The following NIN variants were observed in gnomAD, a reference collection of about 807,000 sequenced individuals.
NIN encodes the protein ninein, also known as glycogen synthase kinase 3 beta-interacting protein.
A neutral mutation model predicts 257.6 loss-of-function variants in NIN; 137 were observed. The observed-to-expected ratio is 0.53, with a 90% CI of 0.46 to 0.61. The LOEUF (loss-of-function observed/expected upper bound fraction) is 0.61. NIN is among the 20% of genes least tolerant of loss of function. The pLI is 0.00. For synonymous variants in NIN, 918 were observed against 919.8 expected (o/e 1.00, Z 0.04); for missense variants, 2,439 against 2,501.2 (o/e 0.98, Z 0.53).
chr14:50,756,569 C>T lies in NIN; in HGVS notation c.4461G>A (p.Lys1487=), dbSNP rs763101673. The T allele has an allele frequency of 2.6e-5, 42 of 1,612,644 alleles. 2 individuals carry two copies. In the South Asian group the frequency reaches 4.5e-4, roughly 17 times the overall value. Residue 1487 remains lysine (K), a synonymous_variant, in exon 18 of 31, where the codon AAG becomes AAA. Transcript: ENST00000530997. ...KQKDVLSHGE[K]EEELKAMMHD... ...GCATCATTGCCTTCAGCTCTTCCTC[C>T]TTTTCTCCGTGAGAAAGTACATCTT...
chr14:50,772,044 T>A, intron 9 of NIN: 2 of 360,334 alleles, frequency 5.6e-6, no homozygotes, highest in East Asian at 4.5e-5. Flanking sequence ...ACAACAACAC[T>A]ATCTGGCCCT....
intron 5 of NIN, among the ~76,000 whole-genome samples, chr14:50,780,931 A>G (rs2043110808): frequency 6.6e-6 from 1 of 152,212 alleles, no homozygotes; most frequent in Non-Finnish European, 1.5e-5. Context: ...TGTCTGAGGC[A>G]TGGTGGGGAT....
rs113121829 is a variant in NIN, at chr14:50,740,442, G to T, written c.5449-955C>A. 6.2e-3 allele frequency among the ~76,000 whole-genome samples: 937 copies of T among 151,896 alleles called. 8 individuals are homozygous for T. Among genetic ancestry groups the T allele is most frequent in the African/African-American group, 0.021 (883 of 41,406 alleles). ...TGGCTCACTGCAACCTAGCCCTCCC[G>T]GGTTCAAGCGATTCTCCTGCCTTAG... is the stretch of plus-strand genomic sequence containing the variant. On this transcript the variant is annotated intron_variant, in intron 25 of 30. Transcript: ENST00000530997.
At chr14:50,796,523 T>G (rs2043846321) in intron 4 of NIN, among the ~76,000 whole-genome samples, 1 of 152,230 alleles carries the variant, frequency 6.6e-6, no homozygotes, top group Non-Finnish European at 1.5e-5. Flanking sequence ...ACGCCACATT[T>G]GTTATTTCAC....
At position 50,757,842 on chromosome 14, in the gene NIN, T is replaced by C. The variant is rs763259616; in HGVS notation, c.3188A>G (p.Asn1063Ser). ...CTGCAGGCTTAAGAGGACGTCCCCA[T>C]TTTCTTCCAACAGCTGCTCCCCTTG... ...LQQGEQLLEE[N>S]GDVLLSLQRA... Residue 1063 changes from asparagine to serine, a missense_variant, in exon 18 of 31, where the codon AAT becomes AGT. By Grantham distance (46) the Asn-to-Ser change is conservative. Transcript: ENST00000530997. 3.1e-6 allele frequency: 5 copies of C among 1,614,018 alleles called. No homozygotes were observed. Among genetic ancestry groups the C allele is most frequent in the Non-Finnish European group, 4.2e-6 (5 of 1,180,046 alleles).
intron 4 of NIN, among the ~76,000 whole-genome samples, chr14:50,796,828 C>T (rs1441614280): frequency 2.6e-5 from 4 of 151,752 alleles, no homozygotes; most frequent in African/African-American, 9.7e-5. Flanking sequence ...ACAGAGTACA[C>T]TTTTTAAAGC....
chr14:50,724,547 C>T (rs753164301), intron 30 of NIN, among the ~76,000 whole-genome samples: 2 of 152,122 alleles, frequency 1.3e-5, no homozygotes, highest in African/African-American at 2.4e-5. Flanking sequence ...TTTCCTCCCT[C>T]CCTCTCTTCC....
chr14:50,748,030 T>G lies in NIN; in HGVS notation c.5026A>C (p.Asn1676His), dbSNP rs1323784511. 1 of 1,613,996 alleles carries G rather than the reference T, an allele frequency of 6.2e-7. No homozygotes were observed. Among genetic ancestry groups the G allele is most frequent in the East Asian group, 2.2e-5 (1 of 44,876 alleles). The change falls in exon 22 of 31, where the codon AAC becomes CAC. Residue 1676 changes from asparagine to histidine, a missense_variant. By Grantham distance (68) the Asn-to-His change is moderately conservative. Coordinates refer to ENST00000530997, the MANE Select transcript of NIN (RefSeq NM_020921.4). ...TCCAGTTCATCTTTGAGAAGGTGGT[T>G]TTCCTGTTGCACAATATGGGTCTGT... ...KIQTHIVQQE[N>H]HLLKDELEKM...
At chr14:50,753,094 C>G (rs953777874) in intron 20 of NIN, among the ~76,000 whole-genome samples, 5 of 151,430 alleles carry the variant, frequency 3.3e-5, no homozygotes, top group African/African-American at 1.2e-4. Flanking sequence ...GCTTTTTCTA[C>G]TTACTTACTT....
chr14:50,735,218 G>C (rs916374995), intron 28 of NIN, among the ~76,000 whole-genome samples: 3 of 152,184 alleles, frequency 2.0e-5, no homozygotes, highest in Non-Finnish European at 4.4e-5. Flanking sequence ...TGGCAAGAGT[G>C]CTCAGGGCCC....
chr14:50,727,506 C>G (rs982111522), intron 29 of NIN: 11 of 1,203,768 alleles, frequency 9.1e-6, no homozygotes, highest in African/African-American at 4.7e-5. Flanking sequence ...TCTGTCATTT[C>G]TACATAAATA....
At chr14:50,775,899 A>G (rs1281213486) in intron 7 of NIN, among the ~76,000 whole-genome samples, 2 of 152,210 alleles carry the variant, frequency 1.3e-5, no homozygotes, top group Non-Finnish European at 2.9e-5. Flanking sequence ...AAAGGTAAAC[A>G]AAGGGTATAT....
intron 8 of NIN, 49 bp downstream of exon 8, chr14:50,772,900 T>A: frequency 6.6e-7 from 1 of 1,514,502 alleles, no homozygotes; most frequent in Non-Finnish European, 9.0e-7. Flanking sequence ...ATTACTTAAA[T>A]GGGTTCTAAC....
At chr14:50,820,527 T>C (rs1351992574) in intron 3 of NIN, among the ~76,000 whole-genome samples, 1 of 152,222 alleles carries the variant, frequency 6.6e-6, no homozygotes, top group Admixed American at 6.5e-5. Flanking sequence ...CCAAGGACCA[T>C]ACTGGGAGAT....
chr14:50,744,935 CAAAA>C (rs143259525), intron 22 of NIN, among the ~76,000 whole-genome samples: 1,879 of 152,038 alleles, frequency 0.012, 33 homozygotes, highest in African/African-American at 0.043. Context: ...CAAAACAAAA[CAAAA>C]AAACCCCCTA....
At chr14:50,732,568 C>T (rs1036406398) in intron 28 of NIN, among the ~76,000 whole-genome samples, 5 of 152,168 alleles carry the variant, frequency 3.3e-5, no homozygotes, top group Non-Finnish European at 5.9e-5. Context: ...CTGAATTGTA[C>T]ATTTTTAAAT....
rs561262754 is a variant in NIN at position 50,721,660 on chromosome 14, T to G, written c.*1803A>C. On this transcript the variant is annotated 3_prime_UTR_variant, in exon 31 of 31. Coordinates refer to ENST00000530997, the MANE Select transcript of NIN (RefSeq NM_020921.4). ...TCTAAAGAAGGCATAATAGCAGATGTCAAATATTTTGAAGTATAATTATAG... is the reference window on the plus strand; with the variant it reads ...TCTAAAGAAGGCATAATAGCAGATGGCAAATATTTTGAAGTATAATTATAG... 15 of 217,438 alleles carry G rather than the reference T, an allele frequency of 6.9e-5. No homozygotes were observed. Among genetic ancestry groups the G allele is most frequent in the African/African-American group, 3.1e-4 (14 of 44,616 alleles). 13.5% of individuals were successfully genotyped at this position (217,438 alleles called of 1,614,324 possible).
chr14:50,736,660 C>A (rs1431055429), intron 27 of NIN, among the ~76,000 whole-genome samples: 1 of 152,148 alleles, frequency 6.6e-6, no homozygotes, highest in Admixed American at 6.5e-5. Flanking sequence ...TTTTCTCCCC[C>A]TAATGAGCAG....
intron 5 of NIN, among the ~76,000 whole-genome samples, chr14:50,785,915 C>G (rs4898672): frequency 0.99 from 151,143 of 152,324 alleles, 75,009 homozygotes; most frequent in Middle Eastern, 1. Flanking sequence ...TCTGAACTCC[C>G]GGACAAGCTC....
Sources: allele counts gnomAD v4.1 joint callset (sites outside exome capture counted in the v4.1 genomes callset), GRCh38; gene constraint gnomAD v4.1.1; transcripts MANE v1.5; gene names NCBI Gene and HGNC (gene_info 2026-07-23, HGNC 2026-07-21).